Variants in CNKSR3 observed in about 807,000 individuals in gnomAD.
CNKSR3 encodes the protein connector enhancer of kinase suppressor of ras 3.
CNKSR3 carries 36 observed loss-of-function variants against 67.7 expected under a neutral mutation model. The observed-to-expected ratio is 0.53, with a 90% CI of 0.41 to 0.70. The LOEUF (loss-of-function observed/expected upper bound fraction) is 0.70. CNKSR3 is among the 30% of genes least tolerant of loss of function. CNKSR3 has a pLI of 0.00. For missense variants in CNKSR3, 630 were observed against 695.2 expected, an observed-to-expected ratio of 0.91 and a Z score of 1.05; for synonymous variants, 281 against 271.4, an observed-to-expected ratio of 1.04 and a Z score of -0.35.
In CNKSR3 at chr6:154,401,808, T is replaced by C. The variant is rs1784720328; in HGVS notation, c.*4546A>G. ...TTCTCCATACCATTCATGCCTATGG[T>C]GGCAAAAGGCAGCATGAGTCTCATG... On this transcript the variant is annotated 3_prime_UTR_variant, in exon 13 of 13. Transcript: ENST00000607772. 1 of 152,190 alleles carries C rather than the reference T, an allele frequency of 6.6e-6. No homozygotes were observed. The highest frequency in any genetic ancestry group is 2.1e-4 in the South Asian group (1 of 4,832). The allele number at this position is 152,190 out of a possible 1,614,324, so 9.4% of individuals were successfully genotyped here.
chr6:154,421,710 G>A (rs1234631405), intron 9 of CNKSR3, among the ~76,000 whole-genome samples: 1 of 152,190 alleles, frequency 6.6e-6, no homozygotes, highest in African/African-American at 2.4e-5. Context: ...TCCCCATGGG[G>A]TGGGCTGCAC....
chr6:154,471,884 G>T (rs1287157230), intron 1 of CNKSR3, among the ~76,000 whole-genome samples: 6 of 152,106 alleles, frequency 3.9e-5, no homozygotes, highest in African/African-American at 7.2e-5. Flanking sequence ...TCATACTGGG[G>T]GTTTTGATGG....
intron 10 of CNKSR3, among the ~76,000 whole-genome samples, chr6:154,412,543 T>C (rs1784931629): frequency 6.6e-6 from 1 of 152,138 alleles, no homozygotes; most frequent in African/African-American, 2.4e-5. Context: ...AATGTCATGC[T>C]CTCTATATGC....
chr6:154,478,644 C>A (rs935277664), intron 1 of CNKSR3, among the ~76,000 whole-genome samples: 2 of 152,204 alleles, frequency 1.3e-5, no homozygotes, highest in African/African-American at 2.4e-5. Context: ...ACAATGCCAT[C>A]TTTGAAAAGG....
intron 1 of CNKSR3, among the ~76,000 whole-genome samples, chr6:154,467,817 T>C (rs915580505): frequency 2.6e-5 from 4 of 151,968 alleles, no homozygotes; most frequent in African/African-American, 9.7e-5. Context: ...TGGAGTACAA[T>C]GGTGCAATTT....
rs542519362 is a variant in CNKSR3, at chr6:154,423,995, G to A, written c.730-1012C>T. ...TGCCTGTAATCCCAGCACTTTGGGAGGCCCAGGTGGGCGGATCACGAGGTC... is the reference window on the plus strand; with the variant it reads ...TGCCTGTAATCCCAGCACTTTGGGAAGCCCAGGTGGGCGGATCACGAGGTC... On this transcript the variant is annotated intron_variant, in intron 7 of 12. Transcript: ENST00000607772. Among the ~76,000 whole-genome samples, 3 of 152,202 alleles carry A rather than the reference G, an allele frequency of 2.0e-5. No individual in the cohort carries two copies. In the South Asian group the frequency reaches 6.2e-4, roughly 32 times the overall value.
Position 154,396,089 on chromosome 6 carries a change from A to C in CNKSR3, c.*10265T>G, listed in dbSNP as rs1405086083. ...GTCCAAATCCCTCTCCTTCAATCAA[A>C]TGTTATACAACTGCAACTGTCCTCC... On this transcript the variant is annotated 3_prime_UTR_variant, in exon 13 of 13. Transcript: ENST00000607772. 1 of 152,212 alleles carries C rather than the reference A, an allele frequency of 6.6e-6. No homozygotes were observed. Among genetic ancestry groups the C allele is most frequent in the African/African-American group, 2.4e-5 (1 of 41,436 alleles). 9.4% of individuals were successfully genotyped at this position (152,212 alleles called of 1,614,324 possible). A position where few individuals can be genotyped will look rare whatever the true frequency, so the allele number is the denominator to read the frequency against.
intron 5 of CNKSR3, among the ~76,000 whole-genome samples, chr6:154,432,404 T>C (rs1326083856): frequency 6.6e-6 from 1 of 152,238 alleles, no homozygotes; most frequent in Admixed American, 6.5e-5. Flanking sequence ...GTTCTTTGTA[T>C]ATTTTGGATA....
chr6:154,496,229 G>A (rs1786874878), intron 1 of CNKSR3, among the ~76,000 whole-genome samples: 1 of 152,128 alleles, frequency 6.6e-6, no homozygotes, highest in East Asian at 1.9e-4. Flanking sequence ...GGCTATGATG[G>A]ACTAACATCT....
At chr6:154,476,274 T>C (rs556952526) in intron 1 of CNKSR3, among the ~76,000 whole-genome samples, 62 of 152,018 alleles carry the variant, frequency 4.1e-4, no homozygotes, top group African/African-American at 1.5e-3. Flanking sequence ...CTGGCGAACA[T>C]GGCGAGACCC....
At chr6:154,458,438 T>C (rs906359666) in intron 1 of CNKSR3, among the ~76,000 whole-genome samples, 1 of 152,208 alleles carries the variant, frequency 6.6e-6, no homozygotes, top group Non-Finnish European at 1.5e-5. Flanking sequence ...ATTTTCTTTT[T>C]GTCAGTTCTC....
chr6:154,469,570 G>A (rs114902816), intron 1 of CNKSR3, among the ~76,000 whole-genome samples: 322 of 152,280 alleles, frequency 2.1e-3, no homozygotes, highest in African/African-American at 7.4e-3. Flanking sequence ...GGCAACGCTA[G>A]ACAACACCTC....
chr6:154,463,734 TGAGGG>T (rs1328605695), intron 1 of CNKSR3, among the ~76,000 whole-genome samples: 2 of 152,152 alleles, frequency 1.3e-5, no homozygotes, highest in East Asian at 1.9e-4. Flanking sequence ...TTTGCTGTGC[TGAGGG>T]AAGAGTATCT....
chr6:154,415,097 CAAAAAA>C (rs1157415390), intron 9 of CNKSR3, among the ~76,000 whole-genome samples: 3,150 of 32,294 alleles, frequency 0.098, 18 homozygotes, highest in Non-Finnish European at 0.13. Flanking sequence ...GACTCTGTCT[CAAAAAA>C]AAAAAAAAAA....
At chr6:154,479,553 T>G (rs1045238663) in intron 1 of CNKSR3, among the ~76,000 whole-genome samples, 1 of 151,852 alleles carries the variant, frequency 6.6e-6, no homozygotes, top group Non-Finnish European at 1.5e-5. Flanking sequence ...ATATTTCACA[T>G]AAACACAGAT....
At chr6:154,489,547 C>CAAAT (rs774571256) in intron 1 of CNKSR3, among the ~76,000 whole-genome samples, 1 of 151,948 alleles carries the variant, frequency 6.6e-6, no homozygotes, top group Non-Finnish European at 1.5e-5. Flanking sequence ...AACAAACAAA[C>CAAAT]AAACAAACAA....
In CNKSR3 at chr6:154,441,297, G is replaced by T; in HGVS notation, c.502C>A (p.Gln168Lys). ...QLCLDLTTTV[Q>K]KDCFVAEMED... Reference sequence around the variant, plus strand: ...GAAAATGACATACTACTGACCTTCTGGACTGTAGTGGTCAGGTCCAAGCAA... The same window carrying T: ...GAAAATGACATACTACTGACCTTCTTGACTGTAGTGGTCAGGTCCAAGCAA... Residue 168 changes from glutamine to lysine, a missense_variant, in exon 4 of 13, where the codon CAG becomes AAG. By Grantham distance (53) the Gln-to-Lys change is moderately conservative (BLOSUM62 1). Around this residue, in one of 3 missense-constraint regions of CNKSR3, gnomAD observed 189 missense variants for 205.0 expected, o/e 0.92. Coordinates refer to ENST00000607772, the MANE Select transcript of CNKSR3 (RefSeq NM_173515.4). 1.3e-6 allele frequency: 2 copies of T among 1,577,970 alleles called. No individual in the cohort carries two copies. Among genetic ancestry groups the T allele is most frequent in the Non-Finnish European group, 1.7e-6 (2 of 1,149,018 alleles).
rs1351790226 is a variant in CNKSR3 at position 154,501,334 on chromosome 6, C to T, written c.52+8729G>A. ...AAACCCTGACTGATCTTTCAACACA[C>T]AGATCAAATACTGTCACTCTCTGCT... is the stretch of plus-strand genomic sequence containing the variant. On this transcript the variant is annotated intron_variant, in intron 1 of 12. Coordinates refer to ENST00000607772, the MANE Select transcript of CNKSR3 (RefSeq NM_173515.4). Among the ~76,000 whole-genome samples the T allele has an allele frequency of 2.0e-5, 3 of 152,154 alleles. 1 individual carries two copies. The highest frequency in any genetic ancestry group is 4.4e-5 in the Non-Finnish European group (3 of 68,038).
chr6:154,441,265 A>AAAT, intron 4 of CNKSR3, 27 bp downstream of exon 4: 1 of 1,306,916 alleles, frequency 7.7e-7, no homozygotes, highest in Non-Finnish European at 1.1e-6. Flanking sequence ...AAAAAAAAAA[A>AAAT]GAAAGTGAAA....
Sources: allele counts gnomAD v4.1 joint callset (sites outside exome capture counted in the v4.1 genomes callset), GRCh38; gene constraint gnomAD v4.1.1; regional missense constraint gnomAD v4.1.1; transcripts MANE v1.5; gene names NCBI Gene and HGNC (gene_info 2026-07-23, HGNC 2026-07-21).